SPEF2: variants seen among roughly 807,000 people sequenced by gnomAD.
SPEF2 encodes sperm flagellar and cilia associated 2.
In SPEF2, 187 loss-of-function variants were observed where a neutral mutation model predicts 224.6. That is an observed-to-expected ratio of 0.83 (90% CI 0.74 to 0.94). The LOEUF (loss-of-function observed/expected upper bound fraction) is 0.94. SPEF2 is among the 40% of genes least tolerant of loss of function. The pLI is 0.00. For synonymous variants in SPEF2, 715 were observed against 707.3 expected (o/e 1.01, Z -0.17); for missense variants, 2,170 against 2,135.6 (o/e 1.02, Z -0.32).
At position 35,769,921 on chromosome 5, in the gene SPEF2, C is replaced by T. The variant is rs141175753; in HGVS notation, c.3802-1688C>T. On this transcript the variant is annotated intron_variant, in intron 26 of 36. Coordinates refer to ENST00000356031, the MANE Select transcript of SPEF2 (RefSeq NM_024867.4). ...ATAATTAAATAAGCCCTCAATAACC[C>T]CCATTTTTCACCAATTGCTTTATTG... Among the ~76,000 whole-genome samples the T allele has an allele frequency of 4.9e-3, 740 of 151,956 alleles. 6 individuals carry two copies. The highest frequency in any genetic ancestry group is 0.018 in the African/African-American group (725 of 41,414).
At chr5:35,802,432 G>A (rs1757547493) in intron 34 of SPEF2, among the ~76,000 whole-genome samples, 1 of 152,104 alleles carries the variant, frequency 6.6e-6, no homozygotes, top group Non-Finnish European at 1.5e-5. Flanking sequence ...CGGGGGTATG[G>A]CAGTGAACAA....
At chr5:35,654,893 A>AT (rs1748750174) in intron 7 of SPEF2, among the ~76,000 whole-genome samples, 167 bp downstream of exon 7, 1 of 151,708 alleles carries the variant, frequency 6.6e-6, no homozygotes. Context: ...AAAAGTAGCT[A>AT]TTTACTAAAG....
At position 35,618,020 on chromosome 5, in the gene SPEF2, G is replaced by A; in HGVS notation, c.23G>A (p.Trp8Ter). 6.3e-7 allele frequency: 1 copy of A among 1,586,646 alleles called. No homozygotes were observed. Among genetic ancestry groups the A allele is most frequent in the African/African-American group, 1.3e-5 (1 of 74,380 alleles). The part of the protein sequence containing the change: MSEILCQ[W>*]LNKELKVSRT... ...ACCATGTCGGAGATCCTGTGCCAGT[G>A]GCTCAACAAGGAGTTGAAGGTGTCC... is the stretch of plus-strand genomic sequence containing the variant. The change falls in exon 1 of 37, where the codon TGG (tryptophan) becomes TAG (stop). Residue 8 changes from tryptophan (W) to a stop codon, truncating the protein, a stop_gained. Transcript: ENST00000356031. LOFTEE classifies it high-confidence loss of function.
intron 32 of SPEF2, among the ~76,000 whole-genome samples, chr5:35,793,921 T>C (rs903120792): frequency 1.3e-5 from 2 of 152,164 alleles, no homozygotes; most frequent in African/African-American, 4.8e-5. Context: ...GTCAATATCA[T>C]GTAAGTGGTT....
At chr5:35,728,659 G>A (rs1330930329) in intron 21 of SPEF2, among the ~76,000 whole-genome samples, 1 of 152,126 alleles carries the variant, frequency 6.6e-6, no homozygotes, top group Non-Finnish European at 1.5e-5. Context: ...ACTCTTTGGC[G>A]AGGGTAGGAA....
intron 20 of SPEF2, among the ~76,000 whole-genome samples, chr5:35,714,907 T>G (rs1742246923): frequency 1.3e-5 from 2 of 151,972 alleles, no homozygotes; most frequent in Admixed American, 6.6e-5. Context: ...CAATAATGTT[T>G]GATTTTAAGT....
chr5:35,708,907 A>G, intron 18 of SPEF2, 41 bp from the exon 19 acceptor site: 1 of 1,522,142 alleles, frequency 6.6e-7, no homozygotes, highest in Non-Finnish European at 8.9e-7. Context: ...GTAGATTTCT[A>G]GAGTCTCTAA....
At chr5:35,762,448 G>A (rs1013822761) in intron 25 of SPEF2, among the ~76,000 whole-genome samples, 1 of 152,194 alleles carries the variant, frequency 6.6e-6, no homozygotes, top group African/African-American at 2.4e-5. Context: ...TTTTTAAAAT[G>A]TAATTTAATT....
Position 35,654,520 on chromosome 5 carries a change from A to AT in SPEF2, c.792-19dup, listed in dbSNP as rs750208879. 4 of 1,525,926 alleles carry AT rather than the reference A, an allele frequency of 2.6e-6. No individual in the cohort carries two copies. The highest frequency in any genetic ancestry group is 3.5e-6 in the Non-Finnish European group (4 of 1,141,330). The allele number at this position is 1,525,926 out of a possible 1,614,324, so 94.5% of individuals were successfully genotyped here. A position where few individuals can be genotyped will look rare whatever the true frequency, so the allele number is the denominator to read the frequency against. ...TCACATTATTATTTAAAAATCTAAA[A>AT]TAAAAACTATTATTCTTAGTGCATC... On this transcript the variant is annotated intron_variant, in intron 6 of 36. Transcript: ENST00000356031.
chr5:35,643,528 A>C (rs1486548405), intron 3 of SPEF2: 1 of 455,990 alleles, frequency 2.2e-6, no homozygotes, highest in Non-Finnish European at 4.4e-6. Context: ...TTATCAGTTG[A>C]GAAAAAGAGT....
At chr5:35,627,680 C>A (rs1169166961) in intron 1 of SPEF2, among the ~76,000 whole-genome samples, 4 of 152,276 alleles carry the variant, frequency 2.6e-5, no homozygotes, top group Non-Finnish European at 5.9e-5. Flanking sequence ...CCCAGCAATT[C>A]TCAAACACTG....
intron 30 of SPEF2, among the ~76,000 whole-genome samples, chr5:35,781,931 A>G (rs923326430): frequency 5.9e-5 from 9 of 152,150 alleles, no homozygotes; most frequent in African/African-American, 2.2e-4. Context: ...GAGTCACAGA[A>G]TTGGAGGTTC....
At chr5:35,736,439 C>T (rs10941260) in intron 21 of SPEF2, among the ~76,000 whole-genome samples, 87,563 of 151,760 alleles carry the variant, frequency 0.58, 26,693 homozygotes, top group Middle Eastern at 0.71. Flanking sequence ...AAAGCAGGCA[C>T]ATATTAACTA....
At chr5:35,755,171 G>C (rs1264572980) in intron 24 of SPEF2, among the ~76,000 whole-genome samples, 1 of 152,210 alleles carries the variant, frequency 6.6e-6, no homozygotes, top group Admixed American at 6.5e-5. Flanking sequence ...ATCCAAAGCA[G>C]AGGACAAAGC....
intron 34 of SPEF2, among the ~76,000 whole-genome samples, chr5:35,806,308 A>C (rs765076068): frequency 6.6e-6 from 1 of 152,212 alleles, no homozygotes; most frequent in Non-Finnish European, 1.5e-5. Context: ...AAGCTCTTAG[A>C]ATCTGTCAAG....
chr5:35,776,293 C>G lies in SPEF2; in HGVS notation c.4115C>G (p.Thr1372Arg), dbSNP rs866515323. 6.2e-7 allele frequency: 1 copy of G among 1,611,164 alleles called. No individual in the cohort carries two copies. Among genetic ancestry groups the G allele is most frequent in the Middle Eastern group, 1.7e-4 (1 of 6,040 alleles). Residue 1372 changes from threonine (T) to arginine (R), a missense_variant, in exon 29 of 37, where the codon ACA (threonine) becomes AGA (arginine). Transcript: ENST00000356031. The stretch of plus-strand genomic sequence containing the variant: ...CAATTTCGACTTGAACTGATAAAGA[C>G]AAAAGCATTGGCTCTTCTTGAAGAT... ...ATQFRLELIK[T>R]KALALLEDLV...
At chr5:35,769,370 C>A (rs747694117) in intron 26 of SPEF2, among the ~76,000 whole-genome samples, 1 of 150,440 alleles carries the variant, frequency 6.6e-6, no homozygotes, top group Non-Finnish European at 1.5e-5. Flanking sequence ...ATCAAAAGGG[C>A]ATCTGATAAA....
chr5:35,652,127 A>G (rs746312364), intron 6 of SPEF2, among the ~76,000 whole-genome samples: 1 of 152,226 alleles, frequency 6.6e-6, no homozygotes, highest in Non-Finnish European at 1.5e-5. Context: ...GCAAACAGAT[A>G]AAAAGAAAAT....
At chr5:35,648,945 T>C (rs1447868777) in intron 5 of SPEF2, among the ~76,000 whole-genome samples, 1 of 143,998 alleles carries the variant, frequency 6.9e-6, no homozygotes, top group Non-Finnish European at 1.5e-5. Context: ...ACCCGGGAGG[T>C]GGAGGATGCC....
Sources: allele counts gnomAD v4.1 joint callset (sites outside exome capture counted in the v4.1 genomes callset), GRCh38; gene constraint gnomAD v4.1.1; transcripts MANE v1.5; gene names NCBI Gene and HGNC (gene_info 2026-07-23, HGNC 2026-07-21).